Variants in MED23 observed in about 807,000 individuals in gnomAD.
The protein encoded by MED23 is mediator complex subunit 23, also known as mediator of RNA polymerase II transcription subunit 23.
A neutral mutation model predicts 163.9 loss-of-function variants in MED23; 105 were observed. The ratio of observed to expected loss-of-function variants is 0.64; its 90% CI spans 0.55 to 0.75. MED23 has a LOEUF of 0.75. Ranked by LOEUF, MED23 falls within the 30% of genes least tolerant of loss-of-function variation. The pLI, the probability that MED23 is intolerant of heterozygous loss-of-function variation, is 0.00. For synonymous variants in MED23, 561 were observed against 565.6 expected (o/e 0.99, Z 0.12); for missense variants, 1,054 against 1,649.0 (o/e 0.64, Z 6.25).
chr6:131,589,599 AT>A lies in MED23; in HGVS notation c.3808-4del. The A allele has an allele frequency of 6.2e-7, 1 of 1,613,666 alleles. No individual in the cohort carries two copies. Among genetic ancestry groups the A allele is most frequent in the Non-Finnish European group, 8.5e-7 (1 of 1,179,718 alleles). ...ATGTCATAAAACGCCACACCAATCT[AT>A]TTAACAAATAATGTAAAATTATTTA... On this transcript the variant is annotated splice_polypyrimidine_tract_variant and splice_region_variant and intron_variant, in intron 27 of 28. Transcript: ENST00000368068.
At chr6:131,613,829 C>T (rs1274337102) in intron 10 of MED23, among the ~76,000 whole-genome samples, 2 of 147,562 alleles carry the variant, frequency 1.4e-5, no homozygotes, top group Non-Finnish European at 3.0e-5. Context: ...ATGATCAGAT[C>T]AGAAATACTC....
chr6:131,627,299 T>A, intron 3 of MED23, 97 bp downstream of exon 3: 2 of 876,282 alleles, frequency 2.3e-6, no homozygotes, highest in Middle Eastern at 2.3e-4. Context: ...CAGGAAGATC[T>A]TAAGAGCAGC....
chr6:131,596,238 C>G, intron 21 of MED23, 75 bp from the exon 22 acceptor site: 1 of 1,333,276 alleles, frequency 7.5e-7, no homozygotes. Flanking sequence ...AATGTGAAAA[C>G]ATTGTTTAGA....
Position 131,627,628 on chromosome 6 carries a change from C to G in MED23, c.71+13G>C, listed in dbSNP as rs1777608250. ...CACATAAAAACACAAAACTCTGCCA[C>G]GCATACACTCACCCAGGAAAAGCCT... On this transcript the variant is annotated intron_variant, in intron 2 of 28. Coordinates refer to ENST00000368068, the MANE Select transcript of MED23 (RefSeq NM_004830.4). 6.2e-7 allele frequency: 1 copy of G among 1,612,042 alleles called. No homozygotes were observed. Among genetic ancestry groups the G allele is most frequent in the South Asian group, 1.1e-5 (1 of 90,876 alleles).
intron 1 of MED23, 71 bp downstream of exon 1, chr6:131,627,940 T>G (rs1258283498): frequency 6.2e-7 from 1 of 1,600,596 alleles, no homozygotes; most frequent in East Asian, 2.2e-5. Context: ...CAGGCCAGTT[T>G]CCTTGGTCGG....
intron 30 of MED23, among the ~76,000 whole-genome samples, chr6:131,576,891 A>G (rs1008360748): frequency 2.0e-5 from 3 of 152,172 alleles, no homozygotes; most frequent in Admixed American, 6.5e-5. Context: ...GCAGCAGGGC[A>G]TGGGGAGAAT....
intron 1 of MED23, 132 bp from the exon 2 acceptor site, chr6:131,627,804 T>C: frequency 9.5e-7 from 1 of 1,047,844 alleles, no homozygotes; most frequent in Non-Finnish European, 1.5e-6. Flanking sequence ...CTGTCTGGCC[T>C]GTCACTGTAT....
At chr6:131,613,002 A>G (rs960192369) in intron 10 of MED23, among the ~76,000 whole-genome samples, 1 of 152,158 alleles carries the variant, frequency 6.6e-6, no homozygotes, top group Non-Finnish European at 1.5e-5. Flanking sequence ...TTAAAATAAT[A>G]TCTATTCAGG....
At chr6:131,574,321 G>C (rs758675444) in intron 30 of MED23, 3 of 1,613,858 alleles carry the variant, frequency 1.9e-6, no homozygotes, top group Non-Finnish European at 2.5e-6. Flanking sequence ...AGAGAGGCCA[G>C]AGGTTAGAGG....
intron 28 of MED23, among the ~76,000 whole-genome samples, chr6:131,588,343 AAAT>A (rs1774328491): frequency 1.3e-5 from 2 of 152,202 alleles, no homozygotes; most frequent in African/African-American, 2.4e-5. Flanking sequence ...GGAATTAACT[AAAT>A]AATATTAGAT....
chr6:131,610,714 C>T lies in MED23; in HGVS notation c.877-468G>A, dbSNP rs1443934111. 3.3e-5 allele frequency among the ~76,000 whole-genome samples: 5 copies of T among 151,980 alleles called. No homozygotes were observed. The South Asian group carries it at 1.0e-3, about 32-fold the overall frequency. ...TGTGAATCTCTTTATTTTAAAGTAA[C>T]CCCTATAAGTTTACACTAACTTTAT... On this transcript the variant is annotated intron_variant, in intron 10 of 28. Transcript: ENST00000368068.
At position 131,613,145 on chromosome 6, in the gene MED23, G is replaced by C. The variant is rs139444365; in HGVS notation, c.876+2762C>G. 2.6e-3 allele frequency among the ~76,000 whole-genome samples: 398 copies of C among 152,202 alleles called. 3 individuals carry two copies. Among genetic ancestry groups the C allele is most frequent in the African/African-American group, 9.0e-3 (376 of 41,550 alleles). ...CTTACTGATTAACATAAGATCAAAT[G>C]AATGATGAATACTTCACTGTCTCAT... On this transcript the variant is annotated intron_variant, in intron 10 of 28. Coordinates refer to ENST00000368068, the MANE Select transcript of MED23 (RefSeq NM_004830.4).
At chr6:131,579,399 T>C (rs1773801210) in intron 30 of MED23, 2 of 1,270,546 alleles carry the variant, frequency 1.6e-6, no homozygotes, top group African/African-American at 1.5e-5. Context: ...ATATTTTATA[T>C]CAAATTTTCT....
At chr6:131,608,120 T>C (rs1386474272) in intron 11 of MED23, 49 bp from the exon 12 acceptor site, 1 of 1,601,290 alleles carries the variant, frequency 6.2e-7, no homozygotes, top group African/African-American at 1.4e-5. Context: ...CTTAAAGAGA[T>C]GAATACAGGA....
Position 131,605,501 on chromosome 6 carries a change from C to A in MED23, c.1368-16G>T. The A allele has an allele frequency of 2.6e-6, 4 of 1,540,392 alleles. No individual in the cohort carries two copies. The highest frequency in any genetic ancestry group is 2.3e-5 in the East Asian group (1 of 43,642). Reference sequence around the variant, plus strand: ...CTGCAGGAACCTAAATATTCACGTTCCATTAAAAAGAAAAAATGAAAATAA... The same window carrying A: ...CTGCAGGAACCTAAATATTCACGTTACATTAAAAAGAAAAAATGAAAATAA... On this transcript the variant is annotated splice_polypyrimidine_tract_variant and intron_variant, in intron 13 of 28. Transcript: ENST00000368068.
At position 131,627,676 on chromosome 6, in the gene MED23, T is replaced by TAAAA. The variant is rs200823095; in HGVS notation, c.40-8_40-5dup. ...CCTCTTCTATAACTTCCGTTTTCTG[T>TAAAA]AAAAAAAAAAAAAACAAAATGTAAA... On this transcript the variant is annotated splice_region_variant and splice_polypyrimidine_tract_variant and intron_variant, in intron 1 of 28. Coordinates refer to ENST00000368068, the MANE Select transcript of MED23 (RefSeq NM_004830.4). 1,266 of 1,458,052 alleles carry TAAAA rather than the reference T, an allele frequency of 8.7e-4. 2 individuals are homozygous for TAAAA. The highest frequency in any genetic ancestry group is 8.6e-3 in the East Asian group (369 of 42,672). 90.3% of individuals were successfully genotyped at this position (1,458,052 alleles called of 1,614,324 possible).
rs1221173145 is a variant in MED23, at chr6:131,627,948, C to A, written c.39+63G>T. The stretch of plus-strand genomic sequence containing the variant: ...GGTTGCCCAGGCCAGTTTCCTTGGT[C>A]GGCTGCCCCCGCGTCTCCCCGTCCC... On this transcript the variant is annotated intron_variant, in intron 1 of 28. Coordinates refer to ENST00000368068, the MANE Select transcript of MED23 (RefSeq NM_004830.4). 16 of 1,607,046 alleles carry A rather than the reference C, an allele frequency of 1.0e-5. No individual in the cohort carries two copies. The East Asian group carries it at 2.9e-4, about 29-fold the overall frequency.
chr6:131,589,107 A>T (rs749747944), intron 28 of MED23, among the ~76,000 whole-genome samples: 30 of 152,168 alleles, frequency 2.0e-4, no homozygotes, highest in Non-Finnish European at 4.0e-4. Flanking sequence ...GTGTCAGGAG[A>T]AGCAGGACCT....
intron 10 of MED23, among the ~76,000 whole-genome samples, chr6:131,611,612 A>G (rs1776279215): frequency 6.6e-6 from 1 of 152,156 alleles, no homozygotes; most frequent in Non-Finnish European, 1.5e-5. Context: ...CTTGAAATTC[A>G]CTAGTTCTGC....
Sources: allele counts gnomAD v4.1 joint callset (sites outside exome capture counted in the v4.1 genomes callset), GRCh38; gene constraint gnomAD v4.1.1; transcripts MANE v1.5; gene names NCBI Gene and HGNC (gene_info 2026-07-23, HGNC 2026-07-21).